The following NIBAN1 variants were observed in gnomAD, a reference collection of about 807,000 sequenced individuals.
NIBAN1 encodes protein Niban 1.
In NIBAN1, 81 loss-of-function variants were observed where a neutral mutation model predicts 75.1. The observed-to-expected ratio is 1.08, with a 90% CI of 0.90 to 1.30. The LOEUF (loss-of-function observed/expected upper bound fraction) is 1.30, where lower values mean the gene tolerates loss of function less well. Ranked by LOEUF, NIBAN1 falls within the 50% of genes most tolerant of loss-of-function variation. The pLI, the probability that NIBAN1 is intolerant of heterozygous loss-of-function variation, is 0.00. For synonymous variants in NIBAN1, 436 were observed against 424.8 expected (o/e 1.03, Z -0.32); for missense variants, 1,133 against 1,128.1 (o/e 1.00, Z -0.06).
At chr1:184,845,177 C>G (rs1159096807) in intron 5 of NIBAN1, among the ~76,000 whole-genome samples, 1 of 152,200 alleles carries the variant, frequency 6.6e-6, no homozygotes, top group African/African-American at 2.4e-5. Context: ...TCCTGTGCAT[C>G]ATCAGCATGA....
At chr1:184,875,905 G>A (rs148520621) in intron 5 of NIBAN1, among the ~76,000 whole-genome samples, 130 of 152,278 alleles carry the variant, frequency 8.5e-4, no homozygotes, top group African/African-American at 3.0e-3. Context: ...CAGGCACGAT[G>A]GCTCATGCCT....
intron 9 of NIBAN1, among the ~76,000 whole-genome samples, chr1:184,814,883 G>A (rs932369955): frequency 1.4e-4 from 21 of 152,176 alleles, no homozygotes; most frequent in African/African-American, 4.8e-4. Context: ...GTTAAGCATG[G>A]ACTCATGAAG....
intron 1 of NIBAN1, among the ~76,000 whole-genome samples, chr1:184,966,702 A>T (rs2102089385): frequency 6.6e-6 from 1 of 152,238 alleles, no homozygotes; most frequent in East Asian, 1.9e-4. Flanking sequence ...CCTTATAATG[A>T]TTCACTAAGC....
In NIBAN1 at chr1:184,795,258, C is replaced by G; in HGVS notation, c.2506G>C (p.Gly836Arg). The change falls in exon 14 of 14, where the codon GGG becomes CGG. Residue 836 changes from glycine (G) to arginine (R), a missense_variant. By Grantham distance (125) the Gly-to-Arg change is moderately radical. Transcript: ENST00000367511. ...EGRGGKCTEE[G>R]DASQQEGCTL... Reference sequence around the variant, plus strand: ...CAGCCCTCTTGCTGTGAGGCATCCCCTTCCTCGGTACACTTGCCCCCTCTT... The same window carrying G: ...CAGCCCTCTTGCTGTGAGGCATCCCGTTCCTCGGTACACTTGCCCCCTCTT... The G allele has an allele frequency of 1.2e-6, 2 of 1,613,420 alleles. No homozygotes were observed. Among genetic ancestry groups the G allele is most frequent in the Non-Finnish European group, 1.7e-6 (2 of 1,180,046 alleles).
At chr1:184,913,590 T>C (rs549940997) in intron 1 of NIBAN1, among the ~76,000 whole-genome samples, 41 of 152,366 alleles carry the variant, frequency 2.7e-4, no homozygotes, top group African/African-American at 9.1e-4. Context: ...ATTGTACTTA[T>C]AGTTCTGTAT....
chr1:184,794,916 A>T lies in NIBAN1; in HGVS notation c.*61T>A, dbSNP rs750594262. The T allele has an allele frequency of 5.6e-6, 9 of 1,598,610 alleles. No homozygotes were observed. Among genetic ancestry groups the T allele is most frequent in the Non-Finnish European group, 6.8e-6 (8 of 1,178,216 alleles). ...TGGTAACAGCTTGCATGCAACCCCT[A>T]AGTGTACCCCTATAACCCTTTGGCT... On this transcript the variant is annotated 3_prime_UTR_variant, in exon 14 of 14. Transcript: ENST00000367511.
rs1344457895 is a variant in NIBAN1 at position 184,794,798 on chromosome 1, T to C, written c.*179A>G. 8 of 752,024 alleles carry C rather than the reference T, an allele frequency of 1.1e-5. No individual in the cohort carries two copies. The highest frequency in any genetic ancestry group is 1.1e-4 in the African/African-American group (6 of 57,140). 46.6% of individuals were successfully genotyped at this position (752,024 alleles called of 1,614,324 possible). On this transcript the variant is annotated 3_prime_UTR_variant, in exon 14 of 14. Transcript: ENST00000367511. The stretch of plus-strand genomic sequence containing the variant: ...AAGCAAAAATTCATCGTAGAACAAT[T>C]CATGTCCACAAAGGTTTGCCTCAGT...
At chr1:184,898,165 A>T (rs1165171348) in intron 2 of NIBAN1, among the ~76,000 whole-genome samples, 1 of 152,166 alleles carries the variant, frequency 6.6e-6, no homozygotes, top group East Asian at 1.9e-4. Context: ...CTCCCAGCAG[A>T]CCGACCTTCC....
At chr1:184,883,202 A>G (rs1333351811) in intron 5 of NIBAN1, among the ~76,000 whole-genome samples, 1 of 152,218 alleles carries the variant, frequency 6.6e-6, no homozygotes, top group Non-Finnish European at 1.5e-5. Flanking sequence ...ACTCAGCTCA[A>G]ATGTCACCTG....
At chr1:184,888,070 T>G (rs1656572607) in intron 4 of NIBAN1, 2 of 152,260 alleles carry the variant, frequency 1.3e-5, no homozygotes, top group Admixed American at 1.3e-4. Context: ...GTAGCTGTGG[T>G]CCCAGCAACT....
At chr1:184,853,637 C>G (rs1373350876) in intron 5 of NIBAN1, among the ~76,000 whole-genome samples, 5 of 152,162 alleles carry the variant, frequency 3.3e-5, no homozygotes, top group Admixed American at 3.3e-4. Flanking sequence ...AAAATGCTCA[C>G]TTTTCTTCCC....
intron 9 of NIBAN1, among the ~76,000 whole-genome samples, chr1:184,809,275 C>A (rs959893164): frequency 1.3e-5 from 2 of 152,104 alleles, no homozygotes; most frequent in Non-Finnish European, 2.9e-5. Context: ...AAGTAAGGAT[C>A]AAAAGCATGC....
chr1:184,828,401 C>T (rs1401650359), intron 6 of NIBAN1, among the ~76,000 whole-genome samples: 2 of 152,202 alleles, frequency 1.3e-5, no homozygotes, highest in Non-Finnish European at 2.9e-5. Context: ...CAAATAAACC[C>T]AGCACTTTAA....
At chr1:184,949,417 T>C (rs1658307032) in intron 1 of NIBAN1, among the ~76,000 whole-genome samples, 8 of 152,204 alleles carry the variant, frequency 5.3e-5, no homozygotes, top group Admixed American at 5.2e-4. Context: ...TGGCTTATAG[T>C]AATAAGAATA....
rs201634086 is a variant in NIBAN1 at position 184,795,237 on chromosome 1, C to A, written c.2527G>T (p.Gly843Cys). The A allele has an allele frequency of 3.7e-6, 6 of 1,613,716 alleles. No individual in the cohort carries two copies. Among genetic ancestry groups the A allele is most frequent in the Non-Finnish European group, 4.2e-6 (5 of 1,180,052 alleles). The change falls in exon 14 of 14, where the codon GGC becomes TGC. Residue 843 changes from glycine to cysteine, a missense_variant. Gly to Cys is a radical substitution (Grantham distance 159, BLOSUM62 -3). Coordinates refer to ENST00000367511, the MANE Select transcript of NIBAN1 (RefSeq NM_052966.4). ...TEEGDASQQE[G>C]CTLGSDPICL... ...ATGGGGTCAGAACCTAAGGTGCAGC[C>A]CTCTTGCTGTGAGGCATCCCCTTCC...
At chr1:184,840,228 C>T (rs1026955489) in intron 5 of NIBAN1, among the ~76,000 whole-genome samples, 1 of 152,150 alleles carries the variant, frequency 6.6e-6, no homozygotes, top group Non-Finnish European at 1.5e-5. Context: ...GAGAACCAGC[C>T]CCATTACTTA....
At chr1:184,962,563 A>G (rs1401078572) in intron 1 of NIBAN1, among the ~76,000 whole-genome samples, 1 of 152,210 alleles carries the variant, frequency 6.6e-6, no homozygotes, top group Non-Finnish European at 1.5e-5. Context: ...CCACTAAAAG[A>G]AATCAGAGGT....
chr1:184,972,858 A>G (rs1017265307), intron 1 of NIBAN1, among the ~76,000 whole-genome samples: 1 of 152,250 alleles, frequency 6.6e-6, no homozygotes, highest in Non-Finnish European at 1.5e-5. Context: ...CTTAACTTCA[A>G]ATGATTAGTG....
chr1:184,862,738 C>A (rs1655848323), intron 5 of NIBAN1, among the ~76,000 whole-genome samples: 1 of 152,074 alleles, frequency 6.6e-6, no homozygotes, highest in African/African-American at 2.4e-5. Flanking sequence ...AGAAACAAAT[C>A]TCCCTTTTGT....
Sources: gnomAD v4.1 joint callset for allele counts (sites outside exome capture counted in the v4.1 genomes callset) on GRCh38, gnomAD v4.1.1 for gene constraint, MANE v1.5 for transcripts, NCBI Gene and HGNC (gene_info 2026-07-23, HGNC 2026-07-21) for gene names.